Variants in ZFYVE9 observed in about 807,000 individuals in gnomAD.
ZFYVE9 encodes the protein zinc finger FYVE-type containing 9.
In ZFYVE9, 43 loss-of-function variants were observed where a neutral mutation model predicts 126.7. The ratio of observed to expected loss-of-function variants is 0.34; its 90% CI spans 0.27 to 0.44. ZFYVE9 has a LOEUF of 0.44. Ranked by LOEUF, ZFYVE9 falls within the 20% of genes least tolerant of loss-of-function variation. The pLI is 1.00. For synonymous variants in ZFYVE9, 521 were observed against 597.4 expected (o/e 0.87, Z 1.87); for missense variants, 1,476 against 1,697.0 (o/e 0.87, Z 2.29).
intron 16 of ZFYVE9, among the ~76,000 whole-genome samples, chr1:52,338,497 C>T (rs1048462920): frequency 2.6e-5 from 4 of 152,136 alleles, no homozygotes; most frequent in Non-Finnish European, 5.9e-5. Flanking sequence ...CCTCTCATAC[C>T]CAGACATTCA....
intron 1 of ZFYVE9, among the ~76,000 whole-genome samples, chr1:52,202,460 T>C (rs1644932266): frequency 6.6e-6 from 1 of 151,874 alleles, no homozygotes; most frequent in Non-Finnish European, 1.5e-5. Flanking sequence ...TTTGTATTTT[T>C]AGTAGAGACG....
intron 17 of ZFYVE9, 77 bp from the exon 18 acceptor site, chr1:52,344,691 G>A: frequency 6.9e-7 from 1 of 1,458,372 alleles, no homozygotes; most frequent in South Asian, 1.3e-5. Context: ...GAATCAGGGT[G>A]CTCATATACA....
intron 1 of ZFYVE9, among the ~76,000 whole-genome samples, chr1:52,148,218 T>C (rs1221845411): frequency 6.6e-6 from 1 of 151,950 alleles, no homozygotes; most frequent in African/African-American, 2.4e-5. Flanking sequence ...CTCACGCCTG[T>C]AATCCCAGCA....
At chr1:52,279,876 C>T (rs1185815828) in intron 9 of ZFYVE9, among the ~76,000 whole-genome samples, 2 of 152,142 alleles carry the variant, frequency 1.3e-5, no homozygotes, top group African/African-American at 2.4e-5. Flanking sequence ...TCCATGTGTA[C>T]TTAAGTTGAT....
At chr1:52,235,021 C>G (rs1340824218) in intron 3 of ZFYVE9, among the ~76,000 whole-genome samples, 2 of 152,006 alleles carry the variant, frequency 1.3e-5, no homozygotes, top group African/African-American at 4.8e-5. Context: ...TATTAGGGTG[C>G]TTTGTGTATA....
chr1:52,341,591 T>G (rs896723732), intron 17 of ZFYVE9, among the ~76,000 whole-genome samples: 2 of 152,252 alleles, frequency 1.3e-5, no homozygotes, highest in Admixed American at 1.3e-4. Context: ...AAGGATTAAA[T>G]TATAAGATCT....
intron 2 of ZFYVE9, among the ~76,000 whole-genome samples, chr1:52,219,318 AAGAC>A (rs1471396102): frequency 2.0e-5 from 3 of 152,110 alleles, no homozygotes; most frequent in African/African-American, 7.2e-5. Flanking sequence ...GAAGAATAAA[AAGAC>A]AGATTAAACC....
chr1:52,232,896 A>AT (rs975895219), intron 2 of ZFYVE9, among the ~76,000 whole-genome samples: 1 of 152,052 alleles, frequency 6.6e-6, no homozygotes. Context: ...ATACCAAACA[A>AT]TGATTCCTTT....
intron 10 of ZFYVE9, among the ~76,000 whole-genome samples, chr1:52,292,660 T>C (rs1451020130): frequency 6.6e-6 from 1 of 151,692 alleles, no homozygotes; most frequent in East Asian, 2.0e-4. Context: ...TTAGTAGAGA[T>C]GGGGTTTTAC....
intron 1 of ZFYVE9, among the ~76,000 whole-genome samples, chr1:52,183,061 T>G (rs558737520): frequency 1.3e-5 from 2 of 152,238 alleles, no homozygotes; most frequent in African/African-American, 2.4e-5. Context: ...TAAGTAAAGG[T>G]CAGTAATTTT....
intron 7 of ZFYVE9, 106 bp from the exon 8 acceptor site, chr1:52,274,358 T>C (rs181084973): frequency 3.4e-5 from 47 of 1,365,004 alleles, no homozygotes; most frequent in Non-Finnish European, 2.6e-5. Flanking sequence ...TTTCAAAAAG[T>C]ATGAATTTCA....
intron 1 of ZFYVE9, among the ~76,000 whole-genome samples, chr1:52,198,260 T>C (rs1326478149): frequency 1.3e-5 from 2 of 151,684 alleles, no homozygotes; most frequent in Non-Finnish European, 2.9e-5. Flanking sequence ...TAGCTAGGAT[T>C]ACAGGCACCC....
intron 1 of ZFYVE9, chr1:52,179,966 C>A: frequency 3.9e-6 from 4 of 1,030,152 alleles, no homozygotes; most frequent in South Asian, 3.8e-5. Context: ...AGCAGTCAGT[C>A]GTGACAACAT....
At chr1:52,222,686 G>A (rs1645134898) in intron 2 of ZFYVE9, among the ~76,000 whole-genome samples, 1 of 152,162 alleles carries the variant, frequency 6.6e-6, no homozygotes, top group Admixed American at 6.5e-5. Context: ...TGTTTTTACT[G>A]CTTCCCTGGT....
At chr1:52,253,836 A>G in intron 4 of ZFYVE9, 4 of 1,447,830 alleles carry the variant, frequency 2.8e-6, no homozygotes, top group Non-Finnish European at 2.9e-6. Context: ...GAAGAAAAAC[A>G]ACAGTTAAGA....
intron 1 of ZFYVE9, among the ~76,000 whole-genome samples, chr1:52,184,602 C>CG (rs1363064272): frequency 1.2e-3 from 1 of 866 alleles, no homozygotes; most frequent in East Asian, 0.038. Context: ...TGGTGGGGAG[C>CG]GGGGGTGGGC....
chr1:52,309,690 A>G (rs1646120158), intron 13 of ZFYVE9, among the ~76,000 whole-genome samples: 1 of 152,146 alleles, frequency 6.6e-6, no homozygotes, highest in Non-Finnish European at 1.5e-5. Context: ...ACTCAGAGGA[A>G]TTTAGATTTT....
At position 52,171,686 on chromosome 1, in the gene ZFYVE9, G is replaced by A. The variant is rs1189916117; in HGVS notation, c.-143+29283G>A. On this transcript the variant is annotated intron_variant, in intron 1 of 18. Transcript: ENST00000287727. ...GTTGTTTCCTGACTTTTTAATGATC[G>A]CCATTCTAACTGGTATGAGATGGTA... Among the ~76,000 whole-genome samples, 8 of 151,902 alleles carry A rather than the reference G, an allele frequency of 5.3e-5. No homozygotes were observed. In the East Asian group the frequency reaches 1.5e-3, roughly 29 times the overall value.
At chr1:52,193,504 C>T (rs1401210578) in intron 1 of ZFYVE9, among the ~76,000 whole-genome samples, 1 of 150,588 alleles carries the variant, frequency 6.6e-6, no homozygotes, top group Non-Finnish European at 1.5e-5. Flanking sequence ...GTCAGGAGAT[C>T]GAGACCAGCC....
Sources: allele counts gnomAD v4.1 joint callset (sites outside exome capture counted in the v4.1 genomes callset), GRCh38; gene constraint gnomAD v4.1.1; transcripts MANE v1.5; gene names NCBI Gene and HGNC (gene_info 2026-07-23, HGNC 2026-07-21).